Variants in SOX30 observed in about 807,000 individuals in gnomAD.
SOX30 encodes the protein transcription factor SOX-30.
A neutral mutation model predicts 58.6 loss-of-function variants in SOX30; 17 were observed. The observed-to-expected ratio is 0.29, with a 90% CI of 0.20 to 0.44. The LOEUF is 0.44. Ranked by LOEUF, SOX30 falls within the 20% of genes least tolerant of loss-of-function variation. The pLI, the probability that SOX30 is intolerant of heterozygous loss-of-function variation, is 1.00. For synonymous variants in SOX30, 421 were observed against 400.2 expected, an observed-to-expected ratio of 1.05 and a Z score of -0.62; for missense variants, 951 against 965.8, an observed-to-expected ratio of 0.98 and a Z score of 0.20.
At chr5:157,658,690 A>G (rs555311969) in intron 2 of SOX30, among the ~76,000 whole-genome samples, 1 of 152,284 alleles carries the variant, frequency 6.6e-6, no homozygotes, top group Admixed American at 6.5e-5. Flanking sequence ...TGGATTTTCA[A>G]CCCTCTGCAA....
chr5:157,667,999 G>A, intron 1 of SOX30: 1 of 886,104 alleles, frequency 1.1e-6, no homozygotes, highest in South Asian at 1.7e-5. Context: ...CAGAGAGGTG[G>A]AGGAACTTAA....
intron 1 of SOX30, among the ~76,000 whole-genome samples, chr5:157,649,639 A>C (rs1269414963): frequency 6.6e-6 from 1 of 151,996 alleles, no homozygotes; most frequent in Non-Finnish European, 1.5e-5. Context: ...AAAATACAAA[A>C]ATTAGCCAGG....
In SOX30 at chr5:157,626,512, T is replaced by C. The variant is rs1393425807; in HGVS notation, c.2090A>G (p.Tyr697Cys). 9.3e-6 allele frequency: 15 copies of C among 1,614,086 alleles called. No homozygotes were observed. Among genetic ancestry groups the C allele is most frequent in the East Asian group, 4.5e-5 (2 of 44,894 alleles). Reference sequence around the variant, plus strand: ...TTCCCCACTGTGGCTATGACTGTTATAGTAAGAAGTTCCATTCATGTTCTC... The same window carrying C: ...TTCCCCACTGTGGCTATGACTGTTACAGTAAGAAGTTCCATTCATGTTCTC... ...SCENMNGTSY[Y>C]NSHSHSGEEN... The change falls in exon 5 of 5, where the codon TAT becomes TGT. Residue 697 changes from tyrosine to cysteine, a missense_variant. Transcript: ENST00000265007.
intron 4 of SOX30, among the ~76,000 whole-genome samples, chr5:157,637,533 A>G (rs940940268): frequency 1.3e-5 from 2 of 152,126 alleles, no homozygotes; most frequent in Non-Finnish European, 1.5e-5. Flanking sequence ...CCCAGACCCA[A>G]TGAATCAGAA....
At chr5:157,665,556 A>G (rs1759653645) in intron 2 of SOX30, among the ~76,000 whole-genome samples, 1 of 151,636 alleles carries the variant, frequency 6.6e-6, no homozygotes, top group South Asian at 2.1e-4. Flanking sequence ...TATGTAACAA[A>G]CCTGCACATT....
At chr5:157,668,707 C>A (rs1039559320) in intron 1 of SOX30, among the ~76,000 whole-genome samples, 2 of 152,198 alleles carry the variant, frequency 1.3e-5, no homozygotes, top group Non-Finnish European at 2.9e-5. Context: ...TGGGGACCTG[C>A]AGACTGGGAG....
intron 3 of SOX30, among the ~76,000 whole-genome samples, chr5:157,642,459 C>CA (rs1759089521): frequency 6.6e-6 from 1 of 151,530 alleles, no homozygotes; most frequent in Non-Finnish European, 1.5e-5. Context: ...AAGAGAAAGT[C>CA]AAAAAAATCT....
Position 157,652,297 on chromosome 5 carries a change from C to A in SOX30, c.-219G>T. On this transcript the variant is annotated 5_prime_UTR_variant, in exon 1 of 5. The change creates a premature stop within an existing upstream ORF in the 5' untranslated region. Coordinates refer to ENST00000265007, the MANE Select transcript of SOX30 (RefSeq NM_178424.2). ...TTTCCGGCTCTTCCTGGTCCCTACTCTCGCCTCGTGCTGAGTCCTCGAATC... is the reference window on the plus strand; with the variant it reads ...TTTCCGGCTCTTCCTGGTCCCTACTATCGCCTCGTGCTGAGTCCTCGAATC... 1 of 1,238,352 alleles carries A rather than the reference C, an allele frequency of 8.1e-7. No individual in the cohort carries two copies. The highest frequency in any genetic ancestry group is 1.0e-6 in the Non-Finnish European group (1 of 992,912). 76.7% of individuals were successfully genotyped at this position (1,238,352 alleles called of 1,614,324 possible). A position where few individuals can be genotyped will look rare whatever the true frequency, so the allele number is the denominator to read the frequency against.
At position 157,652,170 on chromosome 5, in the gene SOX30, C is replaced by A; in HGVS notation, c.-92G>T. ...CTTTCGGTTAAGAGCCTTGCAAGGC[C>A]TTTGCTACCCAGAACCCTACGCGGT... On this transcript the variant is annotated 5_prime_UTR_variant, in exon 1 of 5. It adds an upstream start codon to the 5' untranslated region. Transcript: ENST00000265007. 7.3e-7 allele frequency: 1 copy of A among 1,371,262 alleles called. No individual in the cohort carries two copies. The highest frequency in any genetic ancestry group is 9.3e-7 in the Non-Finnish European group (1 of 1,071,002). 84.9% of individuals were successfully genotyped at this position (1,371,262 alleles called of 1,614,324 possible).
intron 2 of SOX30, among the ~76,000 whole-genome samples, chr5:157,666,138 TTTTG>T (rs1246476297): frequency 6.6e-6 from 1 of 151,760 alleles, no homozygotes; most frequent in Non-Finnish European, 1.5e-5. Context: ...GGCCAAAGGT[TTTTG>T]TTTTTTGTTT....
At chr5:157,647,252 G>A (rs565875059) in intron 2 of SOX30, among the ~76,000 whole-genome samples, 7 of 152,064 alleles carry the variant, frequency 4.6e-5, no homozygotes, top group East Asian at 1.9e-4. Flanking sequence ...TAGTAGAGAC[G>A]GGGTTTCTCC....
At position 157,648,872 on chromosome 5, in the gene SOX30, T is replaced by C; in HGVS notation, c.992A>G (p.Lys331Arg). The C allele has an allele frequency of 6.2e-7, 1 of 1,609,630 alleles. No individual in the cohort carries two copies. The highest frequency in any genetic ancestry group is 8.5e-7 in the Non-Finnish European group (1 of 1,178,690). ...TCGCTTCACATGACCATTTCTGTCC[T>C]TACTGAAGGGAGTATCTGGTATGCC... is the stretch of plus-strand genomic sequence containing the variant. Reference protein sequence around the residue: ...DAGIPDTPFSKDRNGHVKRPM... With the variant: ...DAGIPDTPFSRDRNGHVKRPM... Residue 331 changes from lysine to arginine, a missense_variant, in exon 2 of 5, where the codon AAG becomes AGG. This residue lies in a region of SOX30 where 60 missense variants were observed against 74.0 expected (regional missense o/e 0.81). Coordinates refer to ENST00000265007, the MANE Select transcript of SOX30 (RefSeq NM_178424.2).
At chr5:157,657,995 A>G (rs1344784575) in intron 2 of SOX30, among the ~76,000 whole-genome samples, 1 of 152,208 alleles carries the variant, frequency 6.6e-6, no homozygotes, top group Admixed American at 6.5e-5. Flanking sequence ...GCCCCTGTAC[A>G]GGGTTTCTGA....
At chr5:157,662,082 G>A (rs1274338761) in intron 2 of SOX30, among the ~76,000 whole-genome samples, 1 of 152,106 alleles carries the variant, frequency 6.6e-6, no homozygotes, top group Non-Finnish European at 1.5e-5. Context: ...AGTCTACTTT[G>A]ATCATTTCTG....
At chr5:157,634,289 C>T (rs1185195570) in intron 4 of SOX30, among the ~76,000 whole-genome samples, 2 of 152,228 alleles carry the variant, frequency 1.3e-5, no homozygotes, top group African/African-American at 4.8e-5. Flanking sequence ...TCTTGGCTCA[C>T]TGCAGCCTTC....
intron 2 of SOX30, among the ~76,000 whole-genome samples, chr5:157,659,462 G>T (rs1041291660): frequency 1.3e-5 from 2 of 152,206 alleles, no homozygotes; most frequent in African/African-American, 4.8e-5. Context: ...TGTTAATTTT[G>T]TGCAAGGTTT....
chr5:157,669,766 G>A (rs1369338940), intron 1 of SOX30, among the ~76,000 whole-genome samples: 1 of 151,996 alleles, frequency 6.6e-6, no homozygotes, highest in Non-Finnish European at 1.5e-5. Context: ...TGATCCGCCC[G>A]CCTTAGCCTC....
upstream of SOX30, among the ~76,000 whole-genome samples, chr5:157,654,862 G>A (rs1312144240): frequency 6.6e-6 from 1 of 152,142 alleles, no homozygotes; most frequent in Non-Finnish European, 1.5e-5. Flanking sequence ...AAAAAGGGGA[G>A]GCATGAAAAA....
At chr5:157,656,133 C>T (rs969321398), upstream of SOX30, among the ~76,000 whole-genome samples, 3 of 151,900 alleles carry the variant, frequency 2.0e-5, no homozygotes, top group Non-Finnish European at 4.4e-5. Flanking sequence ...GGAGATGAGT[C>T]CTTTATCTTT....
Sources: allele counts gnomAD v4.1 joint callset (sites outside exome capture counted in the v4.1 genomes callset), GRCh38; gene constraint gnomAD v4.1.1; regional missense constraint gnomAD v4.1.1; transcripts MANE v1.5; gene names NCBI Gene and HGNC (gene_info 2026-07-23, HGNC 2026-07-21).